STX16: variants seen among roughly 807,000 people sequenced by gnomAD.
STX16 encodes the protein syntaxin 16.
Under a neutral mutation model 42.7 loss-of-function variants are expected in STX16, and 28 were observed. The ratio of observed to expected loss-of-function variants is 0.66; its 90% CI spans 0.49 to 0.90. STX16 has a LOEUF of 0.90. Among genes scored for constraint, STX16 ranks in the 40% least tolerant of loss-of-function variants. STX16 has a pLI of 0.00. For missense variants in STX16, 361 were observed against 420.9 expected (o/e 0.86, Z 1.24); for synonymous variants, 156 against 155.2 (o/e 1.00, Z -0.04).
chr20:58,674,550 A>T (rs11907963), intron 8 of STX16, among the ~76,000 whole-genome samples: 1 of 152,164 alleles, frequency 6.6e-6, no homozygotes, highest in Non-Finnish European at 1.5e-5. Flanking sequence ...GTCGCTTCCT[A>T]TACCAGAGAT....
At chr20:58,654,757 A>G (rs967131440) in intron 1 of STX16, among the ~76,000 whole-genome samples, 3 of 152,234 alleles carry the variant, frequency 2.0e-5, no homozygotes, top group Non-Finnish European at 4.4e-5. Context: ...ATTATAATAC[A>G]TTACATTTGC....
chr20:58,671,959 G>A (rs1899675248), intron 7 of STX16, among the ~76,000 whole-genome samples: 1 of 152,042 alleles, frequency 6.6e-6, no homozygotes, highest in Non-Finnish European at 1.5e-5. Flanking sequence ...GTGTTAACAT[G>A]ATGCCACAGG....
At chr20:58,662,782 C>T (rs1471487783) in intron 2 of STX16, among the ~76,000 whole-genome samples, 4 of 152,338 alleles carry the variant, frequency 2.6e-5, no homozygotes, top group African/African-American at 7.2e-5. Context: ...CCTGCCTTGG[C>T]CTCCCAAGTG....
chr20:58,662,871 A>G (rs2083732682), intron 2 of STX16, among the ~76,000 whole-genome samples: 1 of 152,216 alleles, frequency 6.6e-6, no homozygotes, highest in East Asian at 1.9e-4. Context: ...CTAATTTCAT[A>G]ATTAGAAAAG....
intron 7 of STX16, 65 bp downstream of exon 7, chr20:58,671,362 TG>T: frequency 6.6e-7 from 1 of 1,510,804 alleles, no homozygotes; most frequent in African/African-American, 1.4e-5. Flanking sequence ...TTCTTTTTCC[TG>T]TACTCCTTTC....
intron 8 of STX16, 37 bp from the exon 9 acceptor site, chr20:58,676,150 G>C: frequency 6.3e-7 from 1 of 1,581,026 alleles, no homozygotes; most frequent in East Asian, 2.2e-5. Flanking sequence ...GGGATTTTGG[G>C]GAAAATGACG....
At chr20:58,661,959 G>C (rs1044018778) in intron 2 of STX16, among the ~76,000 whole-genome samples, 3 of 152,198 alleles carry the variant, frequency 2.0e-5, no homozygotes, top group African/African-American at 7.2e-5. Context: ...GTCCATGTTT[G>C]ATTGTCATTC....
intron 1 of STX16, among the ~76,000 whole-genome samples, chr20:58,656,990 G>A (rs983140806): frequency 3.3e-5 from 5 of 152,234 alleles, no homozygotes; most frequent in African/African-American, 1.2e-4. Context: ...ATGGCTGGGG[G>A]CTGTGATTGG....
Position 58,667,487 on chromosome 20 carries a change from T to C in STX16, c.145-3T>C. On this transcript the variant is annotated splice_region_variant and splice_polypyrimidine_tract_variant and intron_variant, in intron 2 of 8. Transcript: ENST00000371141. The stretch of plus-strand genomic sequence containing the variant: ...TTTTTCATGTCCCTTTACTTTCCTG[T>C]AGCTTGCTGATGACCGTATGGCACT... 1.2e-6 allele frequency: 2 copies of C among 1,613,850 alleles called. No individual in the cohort carries two copies. The highest frequency in any genetic ancestry group is 2.2e-5 in the East Asian group (1 of 44,876).
At chr20:58,675,837 C>T (rs2084104328) in intron 8 of STX16, among the ~76,000 whole-genome samples, 1 of 152,196 alleles carries the variant, frequency 6.6e-6, no homozygotes. Flanking sequence ...GCGACCCGTG[C>T]TGCAGGGGCA....
In STX16 at chr20:58,676,363, CA is replaced by C. The variant is rs1221353381; in HGVS notation, c.*73del. On this transcript the variant is annotated 3_prime_UTR_variant, in exon 9 of 9. Transcript: ENST00000371141. ...GTGAGGGGCTTGGCCTGCGCCCCGC[CA>C]GCTGCCCGCAGAGGTGCAGCCTCGA... 1.5e-6 allele frequency: 2 copies of C among 1,354,856 alleles called. No homozygotes were observed. The highest frequency in any genetic ancestry group is 1.9e-4 in the Middle Eastern group (1 of 5,298). 83.9% of individuals were successfully genotyped at this position (1,354,856 alleles called of 1,614,324 possible). A position where few individuals can be genotyped will look rare whatever the true frequency, so the allele number is the denominator to read the frequency against.
At chr20:58,655,286 C>T (rs997154927) in intron 1 of STX16, among the ~76,000 whole-genome samples, 1 of 152,104 alleles carries the variant, frequency 6.6e-6, no homozygotes, top group African/African-American at 2.4e-5. Context: ...TATCATACAC[C>T]TCAAAGCAAA....
rs886056847 is a variant in STX16, at chr20:58,676,220, C to G, written c.907C>G (p.Leu303Val). Residue 303 changes from leucine to valine, a missense_variant, in exon 9 of 9, where the codon CTT becomes GTT. Coordinates refer to ENST00000371141, the MANE Select transcript of STX16 (RefSeq NM_001001433.3). Reference sequence around the variant, plus strand: ...GTATCAAAAGAAGAATCGGAAGATGCTTGTGATTTTAATATTATTTGTCAT... The same window carrying G: ...GTATCAAAAGAAGAATCGGAAGATGGTTGTGATTTTAATATTATTTGTCAT... ...EQYQKKNRKMLVILILFVIII... is the reference protein window; with the variant it reads ...EQYQKKNRKMVVILILFVIII... 1 of 1,614,160 alleles carries G rather than the reference C, an allele frequency of 6.2e-7. No homozygotes were observed.
chr20:58,671,342 T>C (rs756631757), intron 7 of STX16, 45 bp downstream of exon 7: 13 of 1,553,982 alleles, frequency 8.4e-6, no homozygotes, highest in African/African-American at 1.4e-5. Context: ...CCTGCCATAC[T>C]ATCTGTACCT....
rs2084127676 is a variant in STX16 at position 58,676,406 on chromosome 20, G to A, written c.*115G>A. On this transcript the variant is annotated 3_prime_UTR_variant, in exon 9 of 9. Transcript: ENST00000371141. ...CAGCCTCGAGGAATCTGAGGGCGTC[G>A]GGGCAGCGAACCTTTGCATCCACGG... The A allele has an allele frequency of 1.1e-6, 1 of 897,308 alleles. No homozygotes were observed. The highest frequency in any genetic ancestry group is 1.8e-6 in the Non-Finnish European group (1 of 551,108). 55.6% of individuals were successfully genotyped at this position (897,308 alleles called of 1,614,324 possible).
At chr20:58,652,379 C>A (rs561001298) in intron 1 of STX16, 3 of 588,188 alleles carry the variant, frequency 5.1e-6, no homozygotes, top group Admixed American at 2.3e-5. Context: ...GCACCCCCCC[C>A]CCCGCACCCC....
chr20:58,669,019 A>G (rs2083904043), intron 4 of STX16, among the ~76,000 whole-genome samples: 1 of 152,222 alleles, frequency 6.6e-6, no homozygotes, highest in African/African-American at 2.4e-5. Flanking sequence ...GCCAATCCCA[A>G]GCATTTCGGA....
At chr20:58,670,754 C>T in intron 6 of STX16, 151 bp downstream of exon 6, 2 of 677,314 alleles carry the variant, frequency 3.0e-6, no homozygotes, top group Non-Finnish European at 5.1e-6. Context: ...GGTGGAAGAA[C>T]AGCCGTACTG....
intron 2 of STX16, chr20:58,667,250 G>A (rs775835773): frequency 6.6e-6 from 4 of 609,954 alleles, no homozygotes; most frequent in Non-Finnish European, 1.2e-5. Context: ...GAAATTAAGA[G>A]CTGGTGCATG....
Sources: gnomAD v4.1 joint callset for allele counts (sites outside exome capture counted in the v4.1 genomes callset) on GRCh38, gnomAD v4.1.1 for gene constraint, MANE v1.5 for transcripts, NCBI Gene and HGNC (gene_info 2026-07-23, HGNC 2026-07-21) for gene names.